The following POLE variants were observed in gnomAD, a reference collection of about 807,000 sequenced individuals.
POLE encodes the protein DNA polymerase epsilon, catalytic subunit.
POLE carries 188 observed loss-of-function variants against 279.2 expected under a neutral mutation model. That is an observed-to-expected ratio of 0.67 (90% confidence interval 0.60 to 0.76). The LOEUF (loss-of-function observed/expected upper bound fraction) is 0.76. Ranked by LOEUF, POLE falls within the 30% of genes least tolerant of loss-of-function variation. The probability of loss-of-function intolerance (pLI) is 0.00; values close to 1 mark genes in which losing one functional copy is unlikely to be tolerated. For missense variants in POLE, 2,703 were observed against 3,016.7 expected, an observed-to-expected ratio of 0.90 and a Z score of 2.44; for synonymous variants, 1,214 against 1,172.5, an observed-to-expected ratio of 1.04 and a Z score of -0.72.
intron 32 of POLE, 87 bp from the exon 33 acceptor site, chr12:132,644,064 C>G: frequency 7.3e-7 from 1 of 1,374,066 alleles, no homozygotes; most frequent in Non-Finnish European, 9.6e-7. Context: ...ATTCGGAGTC[C>G]TAGACTTCTG....
chr12:132,641,694 A>C lies in POLE; in HGVS notation c.5331T>G (p.Ser1777Arg). 2 of 1,613,942 alleles carry C rather than the reference A, an allele frequency of 1.2e-6. No individual in the cohort carries two copies. Among genetic ancestry groups the C allele is most frequent in the Non-Finnish European group, 1.7e-6 (2 of 1,180,024 alleles). The change falls in exon 39 of 49, where the codon AGT (serine) becomes AGG (arginine). Residue 1777 changes from serine to arginine, a missense_variant. Ser to Arg is a moderately radical substitution (Grantham distance 110, BLOSUM62 -1). Coordinates refer to ENST00000320574, the MANE Select transcript of POLE (RefSeq NM_006231.4). ...EDMITGGQAASAPASYDETAL... is the reference protein window; with the variant it reads ...EDMITGGQAARAPASYDETAL... ...CTGTCTCATCGTAGCTGGCCGGGGC[A>C]CTGGCAGCCTGACCACCCGTGATCA...
intron 43 of POLE, chr12:132,633,961 C>G (rs569115940): frequency 6.5e-6 from 3 of 459,586 alleles, no homozygotes; most frequent in Non-Finnish European, 1.2e-5. Flanking sequence ...TTCCTGAGAG[C>G]AAAGGCTGGA....
intron 26 of POLE, chr12:132,658,181 C>T: frequency 2.0e-6 from 1 of 504,098 alleles, no homozygotes; most frequent in Non-Finnish European, 3.6e-6. Context: ...TGCGTGTGTG[C>T]ACGTAAACAT....
chr12:132,638,747 T>G, intron 40 of POLE: 1 of 217,330 alleles, frequency 4.6e-6, no homozygotes, highest in Non-Finnish European at 9.3e-6. Context: ...TCTCACTGAT[T>G]TGCTATTTGT....
chr12:132,642,538 G>A lies in POLE; in HGVS notation c.4920C>T (p.Asp1640=). ...RRMIRHYLNL[D]TCLSQAFEMS... The stretch of plus-strand genomic sequence containing the variant: ...TCTCGAAGGCCTGCGACAGGCAGGT[G>A]TCCAGGTTGAGGTAGTGACGGATCA... The change falls in exon 37 of 49, where the codon GAC becomes GAT. Residue 1640 remains aspartate, a synonymous_variant. Transcript: ENST00000320574. The A allele has an allele frequency of 6.2e-7, 1 of 1,613,674 alleles. No homozygotes were observed.
At chr12:132,627,431 C>T (rs1049424200) in intron 45 of POLE, among the ~76,000 whole-genome samples, 4 of 152,132 alleles carry the variant, frequency 2.6e-5, no homozygotes, top group Non-Finnish European at 5.9e-5. Flanking sequence ...TTCCCAGTAG[C>T]TGGGACGACA....
chr12:132,657,669 A>C (rs2042575858), intron 27 of POLE, among the ~76,000 whole-genome samples, 199 bp downstream of exon 27: 1 of 152,224 alleles, frequency 6.6e-6, no homozygotes, highest in African/African-American at 2.4e-5. Context: ...CATCCAATAG[A>C]ACAGCTAAAG....
In POLE at chr12:132,639,470, C is replaced by T. The variant is rs2042098492; in HGVS notation, c.5379-172G>A. Among the ~76,000 whole-genome samples, 1 of 152,350 alleles carries T rather than the reference C, an allele frequency of 6.6e-6. No homozygotes were observed. Among genetic ancestry groups the T allele is most frequent in the African/African-American group, 2.4e-5 (1 of 41,574 alleles). ...CCTTAAGTCACGGTCCAAATTTCAT[C>T]CCTTCACCCTCATGCCTCATCTGTT... On this transcript the variant is annotated intron_variant, in intron 39 of 48. Transcript: ENST00000320574. This position sits in a 1 kb window ranked among gnomAD's most constrained non-coding sequence, Gnocchi z 4.7.
rs754220952 is a variant in POLE at position 132,642,900 on chromosome 12, T to TG, written c.4647dup (p.Lys1550GlnfsTer11). The TG allele has an allele frequency of 1.2e-6, 2 of 1,613,688 alleles. No homozygotes were observed. Among genetic ancestry groups the TG allele is most frequent in the Non-Finnish European group, 1.7e-6 (2 of 1,179,870 alleles). The stretch of plus-strand genomic sequence containing the variant: ...TCTGCCCGAACTTCGAAGGTGTGTT[T>TG]GGGGGGTGGCAGGAGCTCAGGGCCC... On this transcript the variant is annotated frameshift_variant, in exon 36 of 49. Coordinates refer to ENST00000320574, the MANE Select transcript of POLE (RefSeq NM_006231.4). LOFTEE classifies it high-confidence loss of function.
In POLE at chr12:132,676,650, G is replaced by C. The variant is rs757438555; in HGVS notation, c.805C>G (p.Pro269Ala). Reference protein sequence around the residue: ...RRDDLVERPDPVVLAFDIETT... With the variant: ...RRDDLVERPDAVVLAFDIETT... ...TCAATGTCAAATGCCAAAACCACAG[G>C]GTCCTGTGGGGACAAAATAAGCATA... Residue 269 changes from proline to alanine, a missense_variant, in exon 9 of 49, where the codon CCT becomes GCT. Pro to Ala is a conservative substitution (Grantham distance 27). Coordinates refer to ENST00000320574, the MANE Select transcript of POLE (RefSeq NM_006231.4). The C allele has an allele frequency of 7.5e-6, 12 of 1,604,446 alleles. No individual in the cohort carries two copies. The highest frequency in any genetic ancestry group is 1.0e-5 in the Non-Finnish European group (12 of 1,171,500).
At position 132,667,804 on chromosome 12, in the gene POLE, G is replaced by A. The variant is rs544583222; in HGVS notation, c.2174-156C>T. 4.6e-5 allele frequency among the ~76,000 whole-genome samples: 7 copies of A among 152,254 alleles called. No individual in the cohort carries two copies. In the South Asian group the frequency reaches 1.0e-3, roughly 23 times the overall value. On this transcript the variant is annotated intron_variant, in intron 19 of 48. Coordinates refer to ENST00000320574, the MANE Select transcript of POLE (RefSeq NM_006231.4). ...GTTTCTCATACCGAAAAAGGTGGGC[G>A]GGCACGGTGGCTCACACCTGTAATC...
At chr12:132,676,378 G>C in intron 9 of POLE, 168 bp downstream of exon 9, 1 of 708,712 alleles carries the variant, frequency 1.4e-6, no homozygotes, top group Non-Finnish European at 2.5e-6. Context: ...ATTCCCACTC[G>C]AAAGGGGAGG....
intron 8 of POLE, 45 bp from the exon 9 acceptor site, chr12:132,676,698 T>C (rs759924801): frequency 1.6e-6 from 2 of 1,245,470 alleles, no homozygotes; most frequent in Non-Finnish European, 2.4e-6. Flanking sequence ...AAACTCCCCA[T>C]TAGGCCTCCC....
intron 32 of POLE, 174 bp downstream of exon 32, chr12:132,648,755 G>A: frequency 4.6e-6 from 3 of 648,700 alleles, no homozygotes; most frequent in Admixed American, 5.9e-5. Flanking sequence ...TCCATTCCCG[G>A]CACTCGCTCT....
intron 38 of POLE, 134 bp from the exon 39 acceptor site, chr12:132,641,985 G>A: frequency 1.0e-6 from 1 of 966,434 alleles, no homozygotes; most frequent in South Asian, 1.5e-5. Flanking sequence ...ACACCTGCCA[G>A]GCTATTCAGA....
rs756940534 is a variant in POLE, at chr12:132,657,256, T to A, written c.3462A>T (p.Val1154=). 17 of 1,613,936 alleles carry A rather than the reference T, an allele frequency of 1.1e-5. No homozygotes were observed. The African/African-American group carries it at 2.1e-4, about 20-fold the overall frequency. Residue 1154 remains valine (V), a splice_region_variant and synonymous_variant, in exon 29 of 49, where the codon GTA becomes GTT. Coordinates refer to ENST00000320574, the MANE Select transcript of POLE (RefSeq NM_006231.4). ...GTTTGACACGTGGCACTGGGTTCTT[T>A]ACCTGTGTGAGGCCAACACCCATCA... ...IITIPAALQQ[V]KNPVPRVKHP...
intron 41 of POLE, among the ~76,000 whole-genome samples, chr12:132,636,775 C>A (rs898819611): frequency 4.7e-5 from 7 of 149,850 alleles, no homozygotes; most frequent in Non-Finnish European, 8.9e-5. Flanking sequence ...AACAAAACCC[C>A]AAAAAATGGA....
intron 26 of POLE, chr12:132,658,740 C>T: frequency 6.4e-6 from 1 of 156,962 alleles, no homozygotes; most frequent in East Asian, 1.9e-4. Context: ...GCCACTCTGA[C>T]TTCCTTTGTG....
intron 10 of POLE, 75 bp downstream of exon 10, chr12:132,676,019 C>A: frequency 9.5e-7 from 1 of 1,050,524 alleles, no homozygotes; most frequent in South Asian, 1.4e-5. Context: ...TGACGGAATG[C>A]CTGAGGCCTT....
Sources: allele counts gnomAD v4.1 joint callset (sites outside exome capture counted in the v4.1 genomes callset), GRCh38; gene constraint gnomAD v4.1.1; non-coding constraint Gnocchi (gnomAD v3.1); transcripts MANE v1.5; gene names NCBI Gene and HGNC (gene_info 2026-07-23, HGNC 2026-07-21).